SRGAP1: variants seen among roughly 807,000 people sequenced by gnomAD.
SRGAP1 encodes the protein SLIT-ROBO Rho GTPase activating protein 1.
Under a neutral mutation model 121.9 loss-of-function variants are expected in SRGAP1, and 43 were observed. The observed-to-expected ratio is 0.35, with a 90% CI of 0.28 to 0.46. The LOEUF is 0.46. Among genes scored for constraint, SRGAP1 ranks in the 20% least tolerant of loss-of-function variants. The pLI, the probability that SRGAP1 is intolerant of heterozygous loss-of-function variation, is 1.00. For missense variants in SRGAP1, 1,102 were observed against 1,350.9 expected, an observed-to-expected ratio of 0.82 and a Z score of 2.89; for synonymous variants, 447 against 485.4, an observed-to-expected ratio of 0.92 and a Z score of 1.04.
chr12:64,066,095 C>T (rs572562110), intron 8 of SRGAP1, among the ~76,000 whole-genome samples: 1 of 152,316 alleles, frequency 6.6e-6, no homozygotes, highest in South Asian at 2.1e-4. Flanking sequence ...AAAAAGTTAA[C>T]TATTGGTCAG....
chr12:63,933,019 C>T (rs1298562952), intron 1 of SRGAP1, among the ~76,000 whole-genome samples: 5 of 152,140 alleles, frequency 3.3e-5, no homozygotes, highest in Non-Finnish European at 2.9e-5. Context: ...GAAACCCCAT[C>T]TCTACTAAAA....
chr12:64,115,975 C>A, intron 18 of SRGAP1, 82 bp downstream of exon 18: 1 of 1,308,244 alleles, frequency 7.6e-7, no homozygotes, highest in Non-Finnish European at 1.1e-6. Context: ...ATTTTAGAGG[C>A]AAAGCACAGT....
Position 63,913,194 on chromosome 12 carries a change from C to CTTTTTTTTT in SRGAP1, c.67+68333_67+68341dup, listed in dbSNP as rs759566545. Among the ~76,000 whole-genome samples, 4 of 59,010 alleles carry CTTTTTTTTT rather than the reference C, an allele frequency of 6.8e-5. 1 individual carries two copies. The highest frequency in any genetic ancestry group is 2.6e-4 in the Admixed American group (1 of 3,866). 38.7% of individuals were successfully genotyped at this position (59,010 alleles called of 152,430 possible). On this transcript the variant is annotated intron_variant, in intron 1 of 21. Transcript: ENST00000355086. ...GCAACCAATTTTCTGGTAAATCCTT[C>CTTTTTTTTT]TTTTTTTTTTTTTTTTTTTTTTTTT...
At position 64,072,765 on chromosome 12, in the gene SRGAP1, C is replaced by T. The variant is rs116658041; in HGVS notation, c.1126-6154C>T. ...CCACTCAGTACCTGGTTTGCCTTAG[C>T]AGGCTAACACAGTGCATTCAGGGAA... On this transcript the variant is annotated intron_variant, in intron 8 of 21. Transcript: ENST00000355086. 6.9e-3 allele frequency among the ~76,000 whole-genome samples: 1,047 copies of T among 152,306 alleles called. 6 individuals are homozygous for T. Among genetic ancestry groups the T allele is most frequent in the African/African-American group, 0.024 (1,005 of 41,556 alleles).
At position 63,888,963 on chromosome 12, in the gene SRGAP1, C is replaced by G. The variant is rs148942300; in HGVS notation, c.67+44080C>G. 3.3e-5 allele frequency among the ~76,000 whole-genome samples: 5 copies of G among 152,284 alleles called. No homozygotes were observed. The East Asian group carries it at 9.7e-4, about 29-fold the overall frequency. ...AGAATGGACCATGAGTGGAGAGGGT[C>G]GATGAGGGTGCAGGCCTGGTCCAGG... On this transcript the variant is annotated intron_variant, in intron 1 of 21. Coordinates refer to ENST00000355086, the MANE Select transcript of SRGAP1 (RefSeq NM_020762.4).
chr12:64,056,267 A>G (rs2035338641), intron 6 of SRGAP1, among the ~76,000 whole-genome samples: 1 of 152,152 alleles, frequency 6.6e-6, no homozygotes, highest in Non-Finnish European at 1.5e-5. Flanking sequence ...CACTATTGCA[A>G]TAGCTTCCTA....
chr12:63,948,156 T>C (rs905567825), intron 1 of SRGAP1, among the ~76,000 whole-genome samples: 1 of 152,036 alleles, frequency 6.6e-6, no homozygotes, highest in African/African-American at 2.4e-5. Flanking sequence ...AAAATGGAGG[T>C]CTTTATAATG....
At chr12:64,051,341 C>T (rs2035235820) in intron 6 of SRGAP1, among the ~76,000 whole-genome samples, 1 of 152,172 alleles carries the variant, frequency 6.6e-6, no homozygotes, top group Non-Finnish European at 1.5e-5. Flanking sequence ...GTCTTCCCTC[C>T]TTACAACAGA....
chr12:64,109,030 C>G lies in SRGAP1; in HGVS notation c.1912C>G (p.Leu638Val), dbSNP rs778231261. The stretch of plus-strand genomic sequence containing the variant: ...AGTGATGAGGTACCTCTTTGCCTTC[C>G]TCAATCAGTAAGTACCTGAATGCTC... The part of the protein sequence containing the change: ...LIVMRYLFAF[L>V]NHLSQYSDEN... The change falls in exon 16 of 22, where the codon CTC becomes GTC. Residue 638 changes from leucine (L) to valine (V), a missense_variant. Around this residue, in one of 3 missense-constraint regions of SRGAP1, gnomAD observed 747 missense variants for 929.4 expected, o/e 0.80. Coordinates refer to ENST00000355086, the MANE Select transcript of SRGAP1 (RefSeq NM_020762.4). 1.3e-6 allele frequency: 2 copies of G among 1,558,480 alleles called. No individual in the cohort carries two copies. Among genetic ancestry groups the G allele is most frequent in the Non-Finnish European group, 1.7e-6 (2 of 1,144,028 alleles).
chr12:63,919,983 A>T (rs1228432994), intron 1 of SRGAP1, among the ~76,000 whole-genome samples: 1 of 152,198 alleles, frequency 6.6e-6, no homozygotes, highest in Non-Finnish European at 1.5e-5. Flanking sequence ...TCCTATTAAC[A>T]CACATATACA....
chr12:64,012,637 C>A (rs567352722), intron 3 of SRGAP1, among the ~76,000 whole-genome samples: 1 of 146,716 alleles, frequency 6.8e-6, no homozygotes, highest in African/African-American at 2.6e-5. Context: ...ACTGCAGCCT[C>A]GAACTCTTAG....
chr12:64,091,053 T>C (rs1286565019), intron 11 of SRGAP1, among the ~76,000 whole-genome samples: 2 of 152,190 alleles, frequency 1.3e-5, no homozygotes, highest in Admixed American at 1.3e-4. Flanking sequence ...AAATGTCAGC[T>C]GCAGCATACA....
At chr12:63,868,677 A>G (rs568755064) in intron 1 of SRGAP1, among the ~76,000 whole-genome samples, 5 of 152,124 alleles carry the variant, frequency 3.3e-5, no homozygotes, top group African/African-American at 4.8e-5. Flanking sequence ...TCTATTTTCT[A>G]TGTGCAATGG....
intron 1 of SRGAP1, among the ~76,000 whole-genome samples, chr12:63,944,520 G>T (rs1389559295): frequency 6.6e-6 from 1 of 152,166 alleles, no homozygotes; most frequent in Non-Finnish European, 1.5e-5. Flanking sequence ...GATTTAACCT[G>T]TAGATTTGGA....
rs188279731 is a variant in SRGAP1 at position 64,144,460 on chromosome 12, G to A, written c.*1788G>A. 6 of 152,234 alleles carry A rather than the reference G, an allele frequency of 3.9e-5. No homozygotes were observed. In the East Asian group the frequency reaches 1.2e-3, roughly 29 times the overall value. The allele number at this position is 152,234 out of a possible 1,614,324, so 9.4% of individuals were successfully genotyped here. Reference sequence around the variant, plus strand: ...GATCATTACTTTGATCTCTACCTCAGTTTGCCAGTGTAGTCATTCTATTGC... The same window carrying A: ...GATCATTACTTTGATCTCTACCTCAATTTGCCAGTGTAGTCATTCTATTGC... On this transcript the variant is annotated 3_prime_UTR_variant, in exon 22 of 22. Transcript: ENST00000355086.
At chr12:63,901,475 T>C (rs1421436152) in intron 1 of SRGAP1, among the ~76,000 whole-genome samples, 4 of 152,220 alleles carry the variant, frequency 2.6e-5, no homozygotes, top group African/African-American at 9.6e-5. Context: ...ATTCTACTTG[T>C]GCTTTAAAGC....
chr12:64,053,158 C>T (rs142357523), intron 6 of SRGAP1, among the ~76,000 whole-genome samples: 382 of 152,296 alleles, frequency 2.5e-3, no homozygotes, highest in African/African-American at 8.4e-3. Flanking sequence ...TTGCCTTTGG[C>T]ATTGGTCACT....
Position 64,142,729 on chromosome 12 carries a change from G to T in SRGAP1, c.*57G>T. ...GACTTAAAAAAGAAAATGGATTAGT[G>T]ACAAAAGTCACTGATCCATAACTTT... On this transcript the variant is annotated 3_prime_UTR_variant, in exon 22 of 22. Coordinates refer to ENST00000355086, the MANE Select transcript of SRGAP1 (RefSeq NM_020762.4). The T allele has an allele frequency of 6.5e-7, 1 of 1,548,116 alleles. No individual in the cohort carries two copies. Among genetic ancestry groups the T allele is most frequent in the South Asian group, 1.2e-5 (1 of 80,280 alleles).
Position 64,125,968 on chromosome 12 carries a change from T to G in SRGAP1, c.2225-9T>G. On this transcript the variant is annotated splice_polypyrimidine_tract_variant and intron_variant, in intron 18 of 21. Coordinates refer to ENST00000355086, the MANE Select transcript of SRGAP1 (RefSeq NM_020762.4). ...TGTTTCTCGCTGTTTTCTGGTGTGTTCGTTGTAGAATGTGAGCCAATAGAA... is the reference window on the plus strand; with the variant it reads ...TGTTTCTCGCTGTTTTCTGGTGTGTGCGTTGTAGAATGTGAGCCAATAGAA... 6.2e-7 allele frequency: 1 copy of G among 1,613,112 alleles called. No individual in the cohort carries two copies. The highest frequency in any genetic ancestry group is 8.5e-7 in the Non-Finnish European group (1 of 1,179,332).
Sources: allele counts gnomAD v4.1 joint callset (sites outside exome capture counted in the v4.1 genomes callset), GRCh38; gene constraint gnomAD v4.1.1; regional missense constraint gnomAD v4.1.1; transcripts MANE v1.5; gene names NCBI Gene and HGNC (gene_info 2026-07-23, HGNC 2026-07-21).